ROR1: variants seen among roughly 807,000 people sequenced by gnomAD.
ROR1 encodes the protein ROR family WNT receptor 1.
In ROR1, 19 loss-of-function variants were observed where a neutral mutation model predicts 78.8. That is an observed-to-expected ratio of 0.24 (90% CI 0.17 to 0.35). ROR1 has a LOEUF of 0.35. ROR1 is among the 10% of genes least tolerant of loss of function. The pLI is 1.00. For synonymous variants in ROR1, 386 were observed against 433.6 expected (o/e 0.89, Z 1.36); for missense variants, 917 against 1,177.8 (o/e 0.78, Z 3.24).
rs147290555 is a variant in ROR1 at position 63,976,106 on chromosome 1, A to G, written c.92-33199A>G. ...AGCCAAGACATGCATTTTTAAGTTA[A>G]CTAACAGCATGCACAAAAACTAGAT... On this transcript the variant is annotated intron_variant, in intron 1 of 8. Transcript: ENST00000371079. Among the ~76,000 whole-genome samples, 13 of 152,268 alleles carry G rather than the reference A, an allele frequency of 8.5e-5. No individual in the cohort carries two copies. The East Asian group carries it at 2.1e-3, about 25-fold the overall frequency.
intron 1 of ROR1, among the ~76,000 whole-genome samples, chr1:63,914,359 C>T (rs957723968): frequency 6.6e-5 from 10 of 152,112 alleles, no homozygotes; most frequent in Admixed American, 5.2e-4. Context: ...AGGAACCCTG[C>T]GTGCCTGGTT....
rs1218058223 is a variant in ROR1 at position 63,876,685 on chromosome 1, CGT to C, written c.91+102187_91+102188del. Among the ~76,000 whole-genome samples, 10 of 120,986 alleles carry C rather than the reference CGT, an allele frequency of 8.3e-5. No homozygotes were observed. In the South Asian group the frequency reaches 2.2e-3, roughly 26 times the overall value. The allele number at this position is 120,986 out of a possible 152,430, so 79.4% of individuals were successfully genotyped here. Reference sequence around the variant, plus strand: ...GTGTGTGTGTGTGTGTGTGTGTGCGCGTGTGTGTGTGAGAACATGTGTTTAGG... The same window carrying C: ...GTGTGTGTGTGTGTGTGTGTGTGCGCGTGTGTGTGAGAACATGTGTTTAGG... On this transcript the variant is annotated intron_variant, in intron 1 of 8. Coordinates refer to ENST00000371079, the MANE Select transcript of ROR1 (RefSeq NM_005012.4).
intron 8 of ROR1, among the ~76,000 whole-genome samples, chr1:64,170,123 T>C (rs1650195282): frequency 6.6e-6 from 1 of 152,200 alleles, no homozygotes; most frequent in Non-Finnish European, 1.5e-5. Context: ...CACTAGGCAG[T>C]GCCCCATTAG....
chr1:64,067,444 C>CAAAAAAAAAAAAAAAAAAAAAA, intron 4 of ROR1, among the ~76,000 whole-genome samples: 1 of 57,476 alleles, frequency 1.7e-5, no homozygotes, highest in Non-Finnish European at 3.3e-5. Context: ...GCCTCCGTCT[C>CAAAAAAAAAAAAAAAAAAAAAA]AAAAAAAAAA....
At chr1:64,151,600 C>A (rs187940619) in intron 7 of ROR1, among the ~76,000 whole-genome samples, 1 of 151,948 alleles carries the variant, frequency 6.6e-6, no homozygotes, top group African/African-American at 2.4e-5. Context: ...GGGCTGGGCT[C>A]GGTGGCTTAT....
intron 4 of ROR1, among the ~76,000 whole-genome samples, chr1:64,082,108 A>G (rs1647107872): frequency 2.6e-5 from 4 of 152,164 alleles, no homozygotes; most frequent in Admixed American, 2.6e-4. Context: ...TGATTACTGG[A>G]TAAGATCACC....
At chr1:64,087,067 C>G (rs1647160930) in intron 4 of ROR1, among the ~76,000 whole-genome samples, 2 of 152,250 alleles carry the variant, frequency 1.3e-5, no homozygotes, top group East Asian at 1.9e-4. Context: ...TAGAGAATAT[C>G]AAAAGACCCT....
chr1:63,852,243 C>T (rs1355981026), intron 1 of ROR1, among the ~76,000 whole-genome samples: 2 of 152,230 alleles, frequency 1.3e-5, no homozygotes, highest in African/African-American at 2.4e-5. Flanking sequence ...GCTGCCTGGA[C>T]TCAGCCACCA....
At chr1:63,908,364 G>A (rs1316578311) in intron 1 of ROR1, among the ~76,000 whole-genome samples, 1 of 152,148 alleles carries the variant, frequency 6.6e-6, no homozygotes, top group East Asian at 1.9e-4. Context: ...CACAGGCTCA[G>A]ATCTGTGATT....
intron 1 of ROR1, among the ~76,000 whole-genome samples, chr1:63,833,990 C>CTTTTTTTTTTTTTTTTTTTTT (rs71056008): frequency 1.5e-5 from 2 of 132,022 alleles, no homozygotes; most frequent in Admixed American, 7.7e-5. Context: ...TCTTCTTCTT[C>CTTTTTTTTTTTTTTTTTTTTT]TTTTTTTTTT....
intron 1 of ROR1, among the ~76,000 whole-genome samples, chr1:63,876,107 C>T (rs1645283090): frequency 6.6e-6 from 1 of 152,028 alleles, no homozygotes; most frequent in South Asian, 2.1e-4. Flanking sequence ...AGAGGAGTCC[C>T]TCGTTCATTC....
At chr1:64,142,712 T>G in intron 7 of ROR1, 62 bp downstream of exon 7, 1 of 1,593,532 alleles carries the variant, frequency 6.3e-7, no homozygotes, top group Non-Finnish European at 8.6e-7. Context: ...ATCCTACCCC[T>G]CTTATTTAGG....
intron 1 of ROR1, among the ~76,000 whole-genome samples, chr1:63,776,801 C>A (rs1449265388): frequency 6.6e-6 from 1 of 152,030 alleles, no homozygotes; most frequent in Non-Finnish European, 1.5e-5. Flanking sequence ...GTAATGAGCT[C>A]AAATCTGTTA....
rs1447185313 is a variant in ROR1 at position 64,014,750 on chromosome 1, A to G, written c.163+5374A>G. Among the ~76,000 whole-genome samples, 13 of 28,984 alleles carry G rather than the reference A, an allele frequency of 4.5e-4. 1 individual carries two copies. In the East Asian group the frequency reaches 0.058, roughly 130 times the overall value. The allele number at this position is 28,984 out of a possible 152,430, so 19.0% of individuals were successfully genotyped here. The stretch of plus-strand genomic sequence containing the variant: ...ATACACATACGCACACTATATATAT[A>G]TATATATATATATATATATATATAC... On this transcript the variant is annotated intron_variant, in intron 2 of 8. Coordinates refer to ENST00000371079, the MANE Select transcript of ROR1 (RefSeq NM_005012.4).
chr1:64,145,992 A>G (rs1254612993), intron 7 of ROR1, among the ~76,000 whole-genome samples: 2 of 152,162 alleles, frequency 1.3e-5, no homozygotes, highest in African/African-American at 2.4e-5. Flanking sequence ...ACTTCGGGTT[A>G]TTGGTTGATG....
At chr1:64,116,671 G>C (rs774052025) in intron 4 of ROR1, among the ~76,000 whole-genome samples, 10 of 152,146 alleles carry the variant, frequency 6.6e-5, no homozygotes, top group Non-Finnish European at 1.2e-4. Context: ...GAAAGGAAAA[G>C]GGCGTTTTAA....
chr1:63,846,117 AATGTGTGTGTGTGTGTGTGT>A (rs1645079064), intron 1 of ROR1, among the ~76,000 whole-genome samples: 3 of 91,526 alleles, frequency 3.3e-5, no homozygotes, highest in African/African-American at 1.1e-4. Flanking sequence ...AGAGAGAGAG[AATGTGTGTGTGTGTGTGTGT>A]GTGTGTGTGT....
intron 4 of ROR1, among the ~76,000 whole-genome samples, chr1:64,058,261 T>G (rs1646890178): frequency 6.6e-6 from 1 of 152,154 alleles, no homozygotes; most frequent in African/African-American, 2.4e-5. Context: ...TACAAGCTTG[T>G]GTCATCTGCA....
At chr1:63,791,914 C>A (rs1393980791) in intron 1 of ROR1, among the ~76,000 whole-genome samples, 1 of 152,074 alleles carries the variant, frequency 6.6e-6, no homozygotes, top group Admixed American at 6.6e-5. Flanking sequence ...CCTTTATTCA[C>A]TCAACAGATA....
Sources: gnomAD v4.1 joint callset for allele counts (sites outside exome capture counted in the v4.1 genomes callset) on GRCh38, gnomAD v4.1.1 for gene constraint, MANE v1.5 for transcripts, NCBI Gene and HGNC (gene_info 2026-07-23, HGNC 2026-07-21) for gene names.